Variants in GOLGA3 observed in about 807,000 individuals in gnomAD.
GOLGA3 encodes golgin A3.
GOLGA3 carries 75 observed loss-of-function variants against 169.4 expected under a neutral mutation model. The observed-to-expected ratio is 0.44, with a 90% CI of 0.37 to 0.54. The LOEUF is 0.54. GOLGA3 is among the 20% of genes least tolerant of loss of function. The probability of loss-of-function intolerance (pLI) is 0.00; values close to 1 mark genes in which losing one functional copy is unlikely to be tolerated. For missense variants in GOLGA3, 1,899 were observed against 1,930.0 expected (o/e 0.98, Z 0.30); for synonymous variants, 824 against 822.4 (o/e 1.00, Z -0.03).
At position 132,807,953 on chromosome 12, in the gene GOLGA3, G is replaced by C. The variant is rs752156191; in HGVS notation, c.1116C>G (p.His372Gln). The C allele has an allele frequency of 1.9e-6, 3 of 1,613,290 alleles. No individual in the cohort carries two copies. Among genetic ancestry groups the C allele is most frequent in the Non-Finnish European group, 2.5e-6 (3 of 1,179,860 alleles). The change falls in exon 5 of 24, where the codon CAC becomes CAG. Residue 372 changes from histidine (H) to glutamine (Q), a missense_variant. Coordinates refer to ENST00000450791, the MANE Select transcript of GOLGA3 (RefSeq NM_001389683.1). ...KDVLQAAAAE[H>Q]QDQGQEVNGE... ...CGTTGACCTCCTGCCCCTGGTCTTG[G>C]TGCTCAGCGGCTGCGGCCTGGAGGA...
At position 132,787,720 on chromosome 12, in the gene GOLGA3, CGG is replaced by C. The variant is rs2136371309; in HGVS notation, c.2812-935_2812-934del. On this transcript the variant is annotated intron_variant, in intron 13 of 23. Coordinates refer to ENST00000450791, the MANE Select transcript of GOLGA3 (RefSeq NM_001389683.1). ...CCCCGGAGACCCCGGGACCCCTCCC[CGG>C]AGACCCCGGGACCCCTCCCCGGAGA... 1.9e-4 allele frequency among the ~76,000 whole-genome samples: 14 copies of C among 74,656 alleles called. 2 individuals are homozygous for C. The highest frequency in any genetic ancestry group is 2.6e-4 in the African/African-American group (4 of 15,262). 49.0% of individuals were successfully genotyped at this position (74,656 alleles called of 152,430 possible). A position where few individuals can be genotyped will look rare whatever the true frequency, so the allele number is the denominator to read the frequency against.
rs574136235 is a variant in GOLGA3, at chr12:132,777,248, C to T, written c.3723-158G>A. On this transcript the variant is annotated intron_variant, in intron 19 of 23. Coordinates refer to ENST00000450791, the MANE Select transcript of GOLGA3 (RefSeq NM_001389683.1). The surrounding 1 kb of genome is among the most constrained non-coding windows in gnomAD (Gnocchi z 4.7). ...ATGCTTGGTGCCCACAGTGTGCACT[C>T]GGGCAGTCCTCACGAAGCACCTGAG... Among the ~76,000 whole-genome samples the T allele has an allele frequency of 6.6e-6, 1 of 152,276 alleles. No homozygotes were observed. The highest frequency in any genetic ancestry group is 1.5e-5 in the Non-Finnish European group (1 of 68,034).
Position 132,804,697 on chromosome 12 carries a change from T to C in GOLGA3, c.1597+19A>G. On this transcript the variant is annotated intron_variant, in intron 7 of 23. Transcript: ENST00000450791. The surrounding 1 kb of genome is among the most constrained non-coding windows in gnomAD (Gnocchi z 4.1). ...GGGACCAGTCAGGGAGGGGAGGGCG[T>C]GGCCAGGGCCAGCCTCACCTGTGTT... 6.3e-7 allele frequency: 1 copy of C among 1,592,686 alleles called. No homozygotes were observed. Among genetic ancestry groups the C allele is most frequent in the Non-Finnish European group, 8.6e-7 (1 of 1,164,384 alleles).
chr12:132,797,062 G>A (rs950731071), intron 9 of GOLGA3, among the ~76,000 whole-genome samples: 14 of 152,212 alleles, frequency 9.2e-5, no homozygotes, highest in African/African-American at 3.1e-4. Context: ...AGAGGCCCCC[G>A]CAGTGAACAC....
chr12:132,826,422 C>T (rs145019717), intron 1 of GOLGA3, among the ~76,000 whole-genome samples: 182 of 152,054 alleles, frequency 1.2e-3, no homozygotes, highest in African/African-American at 3.8e-3. Flanking sequence ...ACAGTGACGA[C>T]GCCTGGGCCT....
At chr12:132,796,289 T>G in intron 10 of GOLGA3, 69 bp from the exon 11 acceptor site, 1 of 1,501,028 alleles carries the variant, frequency 6.7e-7, no homozygotes, top group Non-Finnish European at 8.9e-7. Flanking sequence ...CTTTTCCTGT[T>G]CGGGTTTCAA....
Position 132,780,881 on chromosome 12 carries a change from C to G in GOLGA3, c.3499G>C (p.Asp1167His). The change falls in exon 18 of 24, where the codon GAT becomes CAT. Residue 1167 changes from aspartate to histidine, a missense_variant. Physicochemically the swap from Asp to His is moderately conservative, Grantham distance 81. Coordinates refer to ENST00000450791, the MANE Select transcript of GOLGA3 (RefSeq NM_001389683.1). ...QAVLQRKEEE[D>H]RQMKHLVQAL... ...TGGACAAGATGCTTCATCTGGCGAT[C>G]CTCCTCTTCTTTGCGCTGCAAAACT... 6.2e-7 allele frequency: 1 copy of G among 1,612,166 alleles called. No individual in the cohort carries two copies. Among genetic ancestry groups the G allele is most frequent in the Non-Finnish European group, 8.5e-7 (1 of 1,179,972 alleles).
chr12:132,814,331 C>A (rs557539357), intron 3 of GOLGA3, among the ~76,000 whole-genome samples: 115 of 152,268 alleles, frequency 7.6e-4, no homozygotes, highest in Non-Finnish European at 1.1e-3. Flanking sequence ...GCAGCAAGTG[C>A]CTTTTAACAA....
intron 8 of GOLGA3, among the ~76,000 whole-genome samples, chr12:132,801,226 A>G (rs1032914555): frequency 2.0e-5 from 3 of 152,216 alleles, no homozygotes; most frequent in Admixed American, 6.5e-5. Context: ...GAGTTTTCCA[A>G]CAGGACGTAG....
chr12:132,809,512 C>T (rs1949596300), intron 4 of GOLGA3, among the ~76,000 whole-genome samples: 1 of 150,982 alleles, frequency 6.6e-6, no homozygotes, highest in African/African-American at 2.4e-5. Context: ...CGCTGGACCA[C>T]GATCCGCCTG....
rs114718221 is a variant in GOLGA3 at position 132,774,143 on chromosome 12, G to C, written c.4307+14C>G. ...TTAAGACTAGCTGAAGTGCAGCACG[G>C]AATACGGTCGTACTTGAGCTGCTGG... On this transcript the variant is annotated intron_variant, in intron 23 of 23. Transcript: ENST00000450791. The C allele has an allele frequency of 1.7e-3, 2,616 of 1,576,110 alleles. 30 individuals are homozygous for C. In the African/African-American group the frequency reaches 0.032, roughly 19 times the overall value.
intron 2 of GOLGA3, among the ~76,000 whole-genome samples, chr12:132,821,150 T>C (rs937569387): frequency 6.8e-6 from 1 of 146,474 alleles, no homozygotes; most frequent in African/African-American, 2.6e-5. Flanking sequence ...CTCACGCCTG[T>C]AATCTCAGCA....
Position 132,782,286 on chromosome 12 carries a change from G to A in GOLGA3, c.3465+10C>T, listed in dbSNP as rs545736504. The A allele has an allele frequency of 1.2e-6, 2 of 1,610,102 alleles. No homozygotes were observed. The highest frequency in any genetic ancestry group is 1.3e-5 in the African/African-American group (1 of 75,014). ...ACCGTTGCTGGCGTGAGTTTGACGAGTTTGAATACCTGAAGGTTCAACTGG... is the reference window on the plus strand; with the variant it reads ...ACCGTTGCTGGCGTGAGTTTGACGAATTTGAATACCTGAAGGTTCAACTGG... On this transcript the variant is annotated intron_variant, in intron 17 of 23. Transcript: ENST00000450791.
At chr12:132,778,617 AAAAT>A (rs1012685192) in intron 18 of GOLGA3, among the ~76,000 whole-genome samples, 4 of 151,582 alleles carry the variant, frequency 2.6e-5, no homozygotes, top group African/African-American at 9.7e-5. Context: ...ATAATAAAAT[AAAAT>A]AAATACATTT....
chr12:132,807,463 C>A (rs1949462325), intron 5 of GOLGA3, among the ~76,000 whole-genome samples, 175 bp from the exon 6 acceptor site: 1 of 152,124 alleles, frequency 6.6e-6, no homozygotes, highest in African/African-American at 2.4e-5. Context: ...ACATTCCTGC[C>A]AACAGTTGGC....
intron 2 of GOLGA3, among the ~76,000 whole-genome samples, chr12:132,819,951 G>C (rs547593956): frequency 7.4e-4 from 112 of 152,340 alleles, no homozygotes; most frequent in South Asian, 3.7e-3. Context: ...AGGCCAAGGT[G>C]GGGGGATCAC....
At position 132,816,520 on chromosome 12, in the gene GOLGA3, G is replaced by C; in HGVS notation, c.406+20C>G. ...GACGCGGACGTGGAGGGTGGGAAAA[G>C]CGGGGTAACGGATGCTTACACAGTT... On this transcript the variant is annotated intron_variant, in intron 3 of 23. Coordinates refer to ENST00000450791, the MANE Select transcript of GOLGA3 (RefSeq NM_001389683.1). The C allele has an allele frequency of 6.2e-7, 1 of 1,606,290 alleles. No individual in the cohort carries two copies. The highest frequency in any genetic ancestry group is 8.5e-7 in the Non-Finnish European group (1 of 1,174,020).
chr12:132,801,957 C>A lies in GOLGA3; in HGVS notation c.1610G>T (p.Arg537Leu). ...GCTCTGCAAGGCTGTCATCTGCTGT[C>A]GCAGGTCGTGCACTGAAATGGGGCA... ...LSKDNTVHDL[R>L]QQMTALQSQL... The change falls in exon 8 of 24, where the codon CGA (arginine) becomes CTA (leucine). Residue 537 changes from arginine (R) to leucine (L), a missense_variant. Arg to Leu is a moderately radical substitution (Grantham distance 102). Transcript: ENST00000450791. The A allele has an allele frequency of 6.3e-7, 1 of 1,597,764 alleles. No homozygotes were observed. The highest frequency in any genetic ancestry group is 1.1e-5 in the South Asian group (1 of 91,026).
intron 1 of GOLGA3, chr12:132,827,593 G>A (rs1267677229): frequency 6.6e-6 from 1 of 152,178 alleles, no homozygotes; most frequent in African/African-American, 2.4e-5. Context: ...AAAGCCAACT[G>A]AAGGCATTCT....
Sources: allele counts gnomAD v4.1 joint callset (sites outside exome capture counted in the v4.1 genomes callset), GRCh38; gene constraint gnomAD v4.1.1; non-coding constraint Gnocchi (gnomAD v3.1); transcripts MANE v1.5; gene names NCBI Gene and HGNC (gene_info 2026-07-23, HGNC 2026-07-21).